FHIT: variants seen among roughly 807,000 people sequenced by gnomAD.
FHIT encodes bis(5'-adenosyl)-triphosphatase.
FHIT carries 19 observed loss-of-function variants against 17.9 expected under a neutral mutation model. The ratio of observed to expected loss-of-function variants is 1.06; its 90% CI spans 0.74 to 1.56. The LOEUF (loss-of-function observed/expected upper bound fraction) is 1.56, where lower values mean the gene tolerates loss of function less well. Ranked by LOEUF, FHIT falls within the 40% of genes most tolerant of loss-of-function variation. The probability of loss-of-function intolerance (pLI) is 0.00; values close to 1 mark genes in which losing one functional copy is unlikely to be tolerated. For missense variants in FHIT, 248 were observed against 189.2 expected (o/e 1.31, Z -1.82); for synonymous variants, 81 against 69.7 (o/e 1.16, Z -0.81).
intron 5 of FHIT, among the ~76,000 whole-genome samples, chr3:60,247,143 G>A (rs1705437770): frequency 6.6e-6 from 1 of 152,076 alleles, no homozygotes; most frequent in Non-Finnish European, 1.5e-5. Context: ...AGTATATGTG[G>A]AAGGGGAGGG....
At chr3:60,776,451 A>G in intron 4 of FHIT, among the ~76,000 whole-genome samples, 1 of 152,230 alleles carries the variant, frequency 6.6e-6, no homozygotes, top group East Asian at 1.9e-4. Flanking sequence ...CAGTCTTAAA[A>G]ACTATTGGTC....
intron 8 of FHIT, among the ~76,000 whole-genome samples, chr3:59,797,756 C>G (rs1371300542): frequency 6.6e-6 from 1 of 152,124 alleles, no homozygotes; most frequent in Non-Finnish European, 1.5e-5. Context: ...ATGTCACCTT[C>G]ATGGGGGAAA....
intron 5 of FHIT, among the ~76,000 whole-genome samples, chr3:60,398,730 C>A (rs1701551190): frequency 6.6e-6 from 1 of 151,824 alleles, no homozygotes; most frequent in Non-Finnish European, 1.5e-5. Context: ...CCCAATAATC[C>A]AAATTTTGTG....
At chr3:59,955,228 A>C (rs370205056) in intron 7 of FHIT, among the ~76,000 whole-genome samples, 48 of 152,272 alleles carry the variant, frequency 3.2e-4, no homozygotes, top group African/African-American at 6.3e-4. Flanking sequence ...TTTTGTCCCC[A>C]TCTCACTAGA....
At chr3:61,060,246 A>T (rs1474236783) in intron 2 of FHIT, among the ~76,000 whole-genome samples, 2 of 152,228 alleles carry the variant, frequency 1.3e-5, no homozygotes, top group Non-Finnish European at 2.9e-5. Context: ...TGTGACCAGA[A>T]ATATGCCATA....
At position 61,021,028 on chromosome 3, in the gene FHIT, T is replaced by C. The variant is rs537541999; in HGVS notation, c.-111+21019A>G. 2.6e-5 allele frequency among the ~76,000 whole-genome samples: 4 copies of C among 152,274 alleles called. No homozygotes were observed. The South Asian group carries it at 8.3e-4, about 32-fold the overall frequency. On this transcript the variant is annotated intron_variant, in intron 3 of 9. Coordinates refer to ENST00000492590, the MANE Select transcript of FHIT (RefSeq NM_002012.4). The stretch of plus-strand genomic sequence containing the variant: ...CCCAATACAGGAGAATCCAGATTCA[T>C]ATAGCAAGTTCTTAGAGACCTACAA...
chr3:60,022,584 C>T (rs753163219), intron 5 of FHIT, among the ~76,000 whole-genome samples: 4 of 152,178 alleles, frequency 2.6e-5, no homozygotes, highest in South Asian at 2.1e-4. Flanking sequence ...CTCTGAGCAT[C>T]GTGGTCACAG....
intron 4 of FHIT, among the ~76,000 whole-genome samples, chr3:60,667,197 C>A (rs2040402251): frequency 6.6e-6 from 1 of 151,672 alleles, no homozygotes; most frequent in African/African-American, 2.4e-5. Context: ...CTCTTTCAGT[C>A]CCATTATCTT....
intron 3 of FHIT, among the ~76,000 whole-genome samples, chr3:60,931,988 T>C (rs782529307): frequency 6.6e-6 from 1 of 152,162 alleles, no homozygotes; most frequent in Non-Finnish European, 1.5e-5. Flanking sequence ...GCTACCTCAC[T>C]AGGGTGTAGA....
In FHIT at chr3:60,456,317, G is replaced by T. The variant is rs2032090914; in HGVS notation, c.103+80543C>A. Among the ~76,000 whole-genome samples the T allele has an allele frequency of 2.0e-5, 3 of 152,192 alleles. No homozygotes were observed. In the South Asian group the frequency reaches 6.2e-4, roughly 32 times the overall value. ...CCGACAAATCTTCACTGATGCTAAA[G>T]AACATTTATTTCACACCTACTCTGC... is the stretch of plus-strand genomic sequence containing the variant. On this transcript the variant is annotated intron_variant, in intron 5 of 9. Coordinates refer to ENST00000492590, the MANE Select transcript of FHIT (RefSeq NM_002012.4).
At chr3:60,525,928 C>T (rs1351969266) in intron 5 of FHIT, among the ~76,000 whole-genome samples, 1 of 152,002 alleles carries the variant, frequency 6.6e-6, no homozygotes, top group Non-Finnish European at 1.5e-5. Context: ...CATGGTGAAA[C>T]CTTGTCTCTA....
chr3:60,600,926 T>A (rs1223234082), intron 4 of FHIT, among the ~76,000 whole-genome samples: 1 of 152,134 alleles, frequency 6.6e-6, no homozygotes, highest in Non-Finnish European at 1.5e-5. Flanking sequence ...CCAAGCATGC[T>A]TTTTTGGAGG....
intron 5 of FHIT, among the ~76,000 whole-genome samples, chr3:60,496,972 CA>C (rs140889391): frequency 2.7e-5 from 4 of 150,600 alleles, no homozygotes; most frequent in African/African-American, 7.3e-5. Flanking sequence ...AAACAAAAAA[CA>C]AAAAAAAACA....
At chr3:60,963,848 C>T (rs553014764) in intron 3 of FHIT, among the ~76,000 whole-genome samples, 3 of 152,068 alleles carry the variant, frequency 2.0e-5, no homozygotes, top group Admixed American at 6.6e-5. Context: ...GCTTTACTTC[C>T]GACTATGTGG....
rs1328660681 is a variant in FHIT at position 60,928,744 on chromosome 3, AT to A, written c.-110-106734del. Among the ~76,000 whole-genome samples, 3 of 152,284 alleles carry A rather than the reference AT, an allele frequency of 2.0e-5. No individual in the cohort carries two copies. In the East Asian group the frequency reaches 5.8e-4, roughly 29 times the overall value. On this transcript the variant is annotated intron_variant, in intron 3 of 9. Transcript: ENST00000492590. ...AATTAATAGCTTACCAACCAAAAAA[AT>A]CCAGGACCAGATGGATTCACAGCCG...
intron 5 of FHIT, among the ~76,000 whole-genome samples, chr3:60,043,626 A>G (rs1216421351): frequency 1.3e-5 from 2 of 152,112 alleles, no homozygotes; most frequent in East Asian, 3.9e-4. Flanking sequence ...ACTTATGACA[A>G]CTGCCCAGTA....
chr3:60,065,009 C>T (rs1217924443), intron 5 of FHIT, among the ~76,000 whole-genome samples: 1 of 152,110 alleles, frequency 6.6e-6, no homozygotes, highest in African/African-American at 2.4e-5. Context: ...ACACAGCTGG[C>T]CTCAAAGGCA....
At chr3:60,782,203 G>T (rs1308897654) in intron 4 of FHIT, among the ~76,000 whole-genome samples, 1 of 149,126 alleles carries the variant, frequency 6.7e-6, no homozygotes, top group African/African-American at 2.5e-5. Flanking sequence ...CATTTTTAAG[G>T]CTGAAGAATA....
At chr3:61,109,957 C>G (rs932737299) in intron 2 of FHIT, among the ~76,000 whole-genome samples, 1 of 152,094 alleles carries the variant, frequency 6.6e-6, no homozygotes, top group African/African-American at 2.4e-5. Flanking sequence ...CCAGCTCTAC[C>G]CTGACCTCCA....
Sources: gnomAD v4.1 joint callset for allele counts (sites outside exome capture counted in the v4.1 genomes callset) on GRCh38, gnomAD v4.1.1 for gene constraint, MANE v1.5 for transcripts, NCBI Gene and HGNC (gene_info 2026-07-23, HGNC 2026-07-21) for gene names.